RALYL: variants seen among roughly 807,000 people sequenced by gnomAD.
RALYL encodes RNA-binding Raly-like protein.
A neutral mutation model predicts 35.1 loss-of-function variants in RALYL; 29 were observed. The ratio of observed to expected loss-of-function variants is 0.83; its 90% CI spans 0.61 to 1.13. RALYL has a LOEUF of 1.13. Among genes scored for constraint, RALYL ranks in the 50% most tolerant of loss-of-function variants. RALYL has a pLI of 0.00. For missense variants in RALYL, 359 were observed against 360.4 expected (o/e 1.00, Z 0.03); for synonymous variants, 120 against 127.6 (o/e 0.94, Z 0.40).
intron 1 of RALYL, among the ~76,000 whole-genome samples, chr8:84,315,449 T>A (rs1200333932): frequency 6.6e-6 from 1 of 152,132 alleles, no homozygotes; most frequent in Non-Finnish European, 1.5e-5. Flanking sequence ...ACATTATATA[T>A]CTACATACAA....
intron 1 of RALYL, among the ~76,000 whole-genome samples, chr8:84,248,929 A>G (rs940860779): frequency 3.3e-5 from 5 of 152,090 alleles, no homozygotes; most frequent in African/African-American, 1.2e-4. Context: ...TAAATTATCC[A>G]GCTTGATTAT....
chr8:84,636,016 T>C (rs1002733661), intron 2 of RALYL, among the ~76,000 whole-genome samples: 1 of 151,822 alleles, frequency 6.6e-6, no homozygotes, highest in African/African-American at 2.4e-5. Context: ...TTCCATTCTG[T>C]CCCAATCTTG....
rs1353342492 is a variant in RALYL at position 84,368,725 on chromosome 8, C to T, written c.-23-160574C>T. 2.6e-5 allele frequency among the ~76,000 whole-genome samples: 4 copies of T among 152,146 alleles called. No individual in the cohort carries two copies. The South Asian group carries it at 8.3e-4, about 32-fold the overall frequency. ...ATGAGAATAGCATGGGAAAGACCCA[C>T]CACCATGATTCAGTTATCTCCCACC... On this transcript the variant is annotated intron_variant, in intron 1 of 8. Coordinates refer to ENST00000521268, the MANE Select transcript of RALYL (RefSeq NM_173848.7).
chr8:84,587,451 A>G (rs1812267518), intron 2 of RALYL, among the ~76,000 whole-genome samples: 1 of 152,216 alleles, frequency 6.6e-6, no homozygotes, highest in African/African-American at 2.4e-5. Flanking sequence ...ATAGCAGTTT[A>G]TGTAGAAAAA....
At chr8:84,781,536 A>G (rs1047836780) in intron 3 of RALYL, among the ~76,000 whole-genome samples, 22 of 152,334 alleles carry the variant, frequency 1.4e-4, no homozygotes, top group Admixed American at 9.8e-4. Flanking sequence ...CAGAGAATCC[A>G]TCTCTAAGAC....
intron 1 of RALYL, among the ~76,000 whole-genome samples, chr8:84,366,007 T>C (rs1458907419): frequency 6.6e-6 from 1 of 152,208 alleles, no homozygotes; most frequent in Admixed American, 6.5e-5. Flanking sequence ...TTCTGAACTG[T>C]TCTTAATTCT....
chr8:84,700,678 A>G (rs957312591), intron 2 of RALYL, among the ~76,000 whole-genome samples: 2 of 152,204 alleles, frequency 1.3e-5, no homozygotes, highest in Non-Finnish European at 2.9e-5. Flanking sequence ...GTTGAATGAA[A>G]TGACAAGATG....
At chr8:84,492,276 T>C (rs1587745268) in intron 1 of RALYL, among the ~76,000 whole-genome samples, 1 of 152,180 alleles carries the variant, frequency 6.6e-6, no homozygotes, top group East Asian at 1.9e-4. Flanking sequence ...CACCAATCCC[T>C]ACATTTAGAA....
chr8:84,845,125 AT>A (rs1217850520), intron 4 of RALYL, among the ~76,000 whole-genome samples: 1 of 152,218 alleles, frequency 6.6e-6, no homozygotes. Context: ...TAATAAAAAA[AT>A]TAAAAAAAAT....
chr8:84,414,341 T>C (rs1563879681), intron 1 of RALYL, among the ~76,000 whole-genome samples: 1 of 152,214 alleles, frequency 6.6e-6, no homozygotes, highest in Non-Finnish European at 1.5e-5. Context: ...GTGCATTTTA[T>C]AAACTATGCT....
intron 2 of RALYL, among the ~76,000 whole-genome samples, chr8:84,731,205 G>A (rs907077622): frequency 3.9e-5 from 6 of 152,128 alleles, no homozygotes; most frequent in African/African-American, 9.7e-5. Flanking sequence ...TCCCTTGCCC[G>A]TGGAGACAGA....
chr8:84,581,473 C>T (rs541969680), intron 2 of RALYL, among the ~76,000 whole-genome samples: 72 of 152,270 alleles, frequency 4.7e-4, no homozygotes, highest in African/African-American at 1.7e-3. Context: ...TTATTACACA[C>T]ATAATATAGA....
chr8:84,431,773 A>G (rs1278751976), intron 1 of RALYL, among the ~76,000 whole-genome samples: 1 of 152,052 alleles, frequency 6.6e-6, no homozygotes, highest in Admixed American at 6.6e-5. Context: ...TGTCTTTACC[A>G]CATTATCCAT....
chr8:84,506,517 C>T (rs574521869), intron 1 of RALYL, among the ~76,000 whole-genome samples: 8 of 151,808 alleles, frequency 5.3e-5, no homozygotes, highest in African/African-American at 1.9e-4. Flanking sequence ...GTAAAGTATT[C>T]GGTTATTGGA....
chr8:84,182,835 T>A (rs1353815612), upstream of RALYL: 1 of 152,572 alleles, frequency 6.6e-6, no homozygotes, highest in Non-Finnish European at 1.5e-5. Flanking sequence ...TTGGGAGGGA[T>A]GGGAAATGGA....
intron 1 of RALYL, among the ~76,000 whole-genome samples, chr8:84,481,097 T>C (rs1263895300): frequency 6.6e-6 from 1 of 152,172 alleles, no homozygotes; most frequent in Non-Finnish European, 1.5e-5. Context: ...GCAGGAGATG[T>C]AGAAGCCTTG....
intron 2 of RALYL, among the ~76,000 whole-genome samples, chr8:84,657,008 T>C (rs1277766540): frequency 2.0e-5 from 3 of 152,148 alleles, no homozygotes; most frequent in Non-Finnish European, 4.4e-5. Context: ...TATATAATGA[T>C]AAAAATTTAT....
intron 1 of RALYL, among the ~76,000 whole-genome samples, chr8:84,268,179 C>T (rs1833674763): frequency 6.6e-6 from 1 of 152,136 alleles, no homozygotes; most frequent in South Asian, 2.1e-4. Context: ...TAGGTTACAT[C>T]TTTTTTAGCA....
chr8:84,612,557 A>G (rs1818547401), intron 2 of RALYL, among the ~76,000 whole-genome samples: 1 of 149,048 alleles, frequency 6.7e-6, no homozygotes, highest in Admixed American at 6.6e-5. Context: ...CTACTCCAGA[A>G]GAGAGATGTG....
Sources: allele counts gnomAD v4.1 joint callset (sites outside exome capture counted in the v4.1 genomes callset), GRCh38; gene constraint gnomAD v4.1.1; transcripts MANE v1.5; gene names NCBI Gene and HGNC (gene_info 2026-07-23, HGNC 2026-07-21).